FTCDNL1: variants seen among roughly 807,000 people sequenced by gnomAD.
FTCDNL1 encodes the protein formiminotransferase N-terminal subdomain-containing protein.
In FTCDNL1, 11 loss-of-function variants were observed where a neutral mutation model predicts 5.9. That is an observed-to-expected ratio of 1.87 (90% CI 1.18 to 3.10). The LOEUF is 3.10. FTCDNL1 is among the 30% of genes most tolerant of loss of function. The pLI is 0.00. For synonymous variants in FTCDNL1, 58 were observed against 24.8 expected, an observed-to-expected ratio of 2.34 and a Z score of -3.99; for missense variants, 115 against 65.5, an observed-to-expected ratio of 1.76 and a Z score of -2.61.
chr2:199,690,676 C>G, the FTCDNL1 span, among the ~76,000 whole-genome samples: 1 of 152,178 alleles, frequency 6.6e-6, no homozygotes, highest in Non-Finnish European at 1.5e-5. Flanking sequence ...TCTGTTTTTA[C>G]TCCAATTCCC....
chr2:199,814,676 T>C (rs1337700464), intron 4 of FTCDNL1, among the ~76,000 whole-genome samples: 2 of 152,228 alleles, frequency 1.3e-5, no homozygotes, highest in East Asian at 1.9e-4. Context: ...ATAGGTTACA[T>C]GCTTAGTGAC....
the FTCDNL1 span, among the ~76,000 whole-genome samples, chr2:199,733,630 T>C: frequency 6.6e-6 from 1 of 152,188 alleles, no homozygotes; most frequent in Non-Finnish European, 1.5e-5. Flanking sequence ...AAACCATCAA[T>C]GTCAGGTGCT....
the FTCDNL1 span, among the ~76,000 whole-genome samples, chr2:199,664,928 A>G: frequency 6.6e-6 from 1 of 152,208 alleles, no homozygotes; most frequent in African/African-American, 2.4e-5. Flanking sequence ...CAATGGCCCA[A>G]TTCGCCATAT....
chr2:199,779,303 C>G (rs904095796), intron 3 of FTCDNL1, among the ~76,000 whole-genome samples: 4 of 152,200 alleles, frequency 2.6e-5, no homozygotes, highest in Non-Finnish European at 4.4e-5. Context: ...ACCAAGGAAG[C>G]TAAACTTCCC....
chr2:199,742,455 A>G, the FTCDNL1 span, among the ~76,000 whole-genome samples: 1 of 152,186 alleles, frequency 6.6e-6, no homozygotes, highest in Admixed American at 6.5e-5. Flanking sequence ...TTTTGCACTG[A>G]GATTCTCTTC....
At chr2:199,818,764 G>A (rs1458273931) in intron 4 of FTCDNL1, 4 of 152,064 alleles carry the variant, frequency 2.6e-5, no homozygotes, top group Admixed American at 6.5e-5. Flanking sequence ...CCCACCTCTC[G>A]CTCCTTGGAT....
chr2:199,818,362 A>G (rs1216999902), intron 4 of FTCDNL1: 1 of 152,252 alleles, frequency 6.6e-6, no homozygotes, highest in East Asian at 1.9e-4. Flanking sequence ...TGAATGAAAT[A>G]CATTTGTAAT....
rs192798871 is a variant in FTCDNL1, at chr2:199,833,559, G to A, written c.211+12516C>T. 5.2e-4 allele frequency among the ~76,000 whole-genome samples: 79 copies of A among 152,324 alleles called. 2 individuals are homozygous for A. The East Asian group carries it at 5.4e-3, about 10-fold the overall frequency. On this transcript the variant is annotated intron_variant, in intron 3 of 4. Transcript: ENST00000420128. Reference sequence around the variant, plus strand: ...GGGGATGGCCAGGAATCCTTCTGCTGGATAACATATCAGCAATGTATAAAT... The same window carrying A: ...GGGGATGGCCAGGAATCCTTCTGCTAGATAACATATCAGCAATGTATAAAT...
chr2:199,767,005 G>A (rs552884383), intron 3 of FTCDNL1, among the ~76,000 whole-genome samples: 6 of 152,156 alleles, frequency 3.9e-5, no homozygotes, highest in Non-Finnish European at 5.9e-5. Flanking sequence ...ACTAAATATC[G>A]AGATCAAGCC....
At chr2:199,755,718 G>A (rs1285034619), downstream of FTCDNL1, among the ~76,000 whole-genome samples, 4 of 152,060 alleles carry the variant, frequency 2.6e-5, no homozygotes, top group African/African-American at 9.7e-5. Flanking sequence ...TCCCAGCTTT[G>A]CCACTCCCTA....
the FTCDNL1 span, among the ~76,000 whole-genome samples, chr2:199,739,786 C>T: frequency 6.6e-6 from 1 of 152,188 alleles, no homozygotes; most frequent in Admixed American, 6.5e-5. Flanking sequence ...CATAAAGTCC[C>T]CGTCATTCCG....
intron 3 of FTCDNL1, among the ~76,000 whole-genome samples, chr2:199,828,071 A>T (rs1339275931): frequency 6.6e-6 from 1 of 152,196 alleles, no homozygotes; most frequent in Non-Finnish European, 1.5e-5. Flanking sequence ...AGGAAATAAC[A>T]TTTGTGTTTC....
At chr2:199,672,219 T>G in the FTCDNL1 span, among the ~76,000 whole-genome samples, 3 of 152,182 alleles carry the variant, frequency 2.0e-5, no homozygotes, top group Non-Finnish European at 4.4e-5. Context: ...ACATTCTTGG[T>G]AGCTCTGAAA....
At chr2:199,799,362 C>T (rs796618584) in intron 3 of FTCDNL1, among the ~76,000 whole-genome samples, 4 of 152,322 alleles carry the variant, frequency 2.6e-5, no homozygotes, top group African/African-American at 7.2e-5. Flanking sequence ...CACTGCCACT[C>T]GACTGACACC....
At chr2:199,808,521 AT>A (rs1323009826), downstream of FTCDNL1, among the ~76,000 whole-genome samples, 1 of 152,208 alleles carries the variant, frequency 6.6e-6, no homozygotes, top group Non-Finnish European at 1.5e-5. Flanking sequence ...AACATTTTTC[AT>A]CTTTCCAAAT....
At chr2:199,670,221 C>A in the FTCDNL1 span, among the ~76,000 whole-genome samples, 1 of 152,304 alleles carries the variant, frequency 6.6e-6, no homozygotes, top group African/African-American at 2.4e-5. Context: ...GGCTTAAAAG[C>A]AGAGATTCTC....
Position 199,836,780 on chromosome 2 carries a change from T to C in FTCDNL1, c.211+9295A>G, listed in dbSNP as rs563607058. On this transcript the variant is annotated intron_variant, in intron 3 of 4. Coordinates refer to ENST00000420128, the MANE Select transcript of FTCDNL1 (RefSeq NM_001363886.2). ...CCCTGTTTCAAAAAAAAAGGAAGAG[T>C]GATACAGGGAAGGAGTAAAAGTCCA... Among the ~76,000 whole-genome samples, 550 of 150,302 alleles carry C rather than the reference T, an allele frequency of 3.7e-3. 5 individuals are homozygous for C. The highest frequency in any genetic ancestry group is 0.012 in the African/African-American group (511 of 40,936).
chr2:199,696,601 C>G, the FTCDNL1 span, among the ~76,000 whole-genome samples: 42 of 151,952 alleles, frequency 2.8e-4, no homozygotes, highest in African/African-American at 1.0e-3. Context: ...CAACGTATAA[C>G]ACCAACCCTC....
the FTCDNL1 span, among the ~76,000 whole-genome samples, chr2:199,747,833 T>A: frequency 1.3e-5 from 2 of 152,190 alleles, no homozygotes; most frequent in African/African-American, 4.8e-5. Flanking sequence ...TTAAAATTTA[T>A]ACAAGAAAAG....
Sources: gnomAD v4.1 joint callset for allele counts (sites outside exome capture counted in the v4.1 genomes callset) on GRCh38, gnomAD v4.1.1 for gene constraint, MANE v1.5 for transcripts, NCBI Gene and HGNC (gene_info 2026-07-23, HGNC 2026-07-21) for gene names.